Variants in CHCHD3 observed in about 807,000 individuals in gnomAD.
The protein encoded by CHCHD3 is coiled-coil-helix-coiled-coil-helix domain containing 3.
CHCHD3 carries 20 observed loss-of-function variants against 38.2 expected under a neutral mutation model. The observed-to-expected ratio is 0.52, with a 90% CI of 0.37 to 0.76. CHCHD3 has a LOEUF of 0.76. CHCHD3 is among the 30% of genes least tolerant of loss of function. The pLI is 0.00. For synonymous variants in CHCHD3, 82 were observed against 100.0 expected, an observed-to-expected ratio of 0.82 and a Z score of 1.07; for missense variants, 245 against 279.2, an observed-to-expected ratio of 0.88 and a Z score of 0.87.
chr7:132,791,004 G>A (rs1369592128), intron 7 of CHCHD3, among the ~76,000 whole-genome samples: 2 of 152,192 alleles, frequency 1.3e-5, no homozygotes, highest in Admixed American at 1.3e-4. Flanking sequence ...AGGTAGCTTT[G>A]ACCTATAGGG....
chr7:133,081,780 C>A (rs926992455), intron 1 of CHCHD3, 77 bp downstream of exon 1: 1 of 1,443,902 alleles, frequency 6.9e-7, no homozygotes, highest in Non-Finnish European at 9.5e-7. Context: ...GAAACCCAGG[C>A]TGAGCGGGTC....
At chr7:132,800,185 ATTTAGGCTGT>A (rs1254407979) in intron 6 of CHCHD3, among the ~76,000 whole-genome samples, 1 of 152,226 alleles carries the variant, frequency 6.6e-6, no homozygotes, top group South Asian at 2.1e-4. Flanking sequence ...AAAGATACAC[ATTTAGGCTGT>A]TTCTAATTTT....
intron 2 of CHCHD3, among the ~76,000 whole-genome samples, chr7:133,026,951 T>C (rs992929516): frequency 6.6e-6 from 1 of 151,996 alleles, no homozygotes; most frequent in South Asian, 2.1e-4. Flanking sequence ...CTTTTTTTTT[T>C]TTTTGAGACT....
At chr7:132,791,139 T>A (rs1364057943) in intron 7 of CHCHD3, among the ~76,000 whole-genome samples, 1 of 152,148 alleles carries the variant, frequency 6.6e-6, no homozygotes, top group Non-Finnish European at 1.5e-5. Context: ...AAACTTTGGG[T>A]ACAGAGTCTC....
Position 132,785,521 on chromosome 7 carries a change from TTTAGTGGTCTTCTCA to T in CHCHD3, c.*101_*115del, listed in dbSNP as rs1451648270. The T allele has an allele frequency of 2.1e-5, 21 of 993,116 alleles. No individual in the cohort carries two copies. Among genetic ancestry groups the T allele is most frequent in the Non-Finnish European group, 3.2e-5 (20 of 632,596 alleles). 61.5% of individuals were successfully genotyped at this position (993,116 alleles called of 1,614,324 possible). On this transcript the variant is annotated 3_prime_UTR_variant, in exon 8 of 8. Coordinates refer to ENST00000262570, the MANE Select transcript of CHCHD3 (RefSeq NM_017812.4). ...GCTGAATCCATTCTTGATGTCTCTC[TTTAGTGGTCTTCTCA>T]TTAGTGGTCTTCTCTTCAAATGGGT... is the stretch of plus-strand genomic sequence containing the variant.
intron 6 of CHCHD3, among the ~76,000 whole-genome samples, chr7:132,837,853 T>C (rs897908385): frequency 6.6e-6 from 1 of 152,192 alleles, no homozygotes; most frequent in Non-Finnish European, 1.5e-5. Context: ...CTTTGATCCA[T>C]CAATTACAGA....
intron 5 of CHCHD3, among the ~76,000 whole-genome samples, chr7:132,862,785 CA>C (rs1275311753): frequency 6.6e-6 from 1 of 152,184 alleles, no homozygotes; most frequent in Non-Finnish European, 1.5e-5. Flanking sequence ...GTCATTTCAG[CA>C]ATATTCACAT....
intron 3 of CHCHD3, among the ~76,000 whole-genome samples, chr7:132,993,119 T>C (rs1363371175): frequency 1.3e-5 from 2 of 152,208 alleles, no homozygotes; most frequent in African/African-American, 4.8e-5. Flanking sequence ...TTCATAAGGC[T>C]TTCTCTTTAT....
chr7:132,815,762 C>T (rs1470870921), intron 6 of CHCHD3: 3 of 307,144 alleles, frequency 9.8e-6, no homozygotes, highest in African/African-American at 6.7e-5. Flanking sequence ...CAACCAGATC[C>T]TTCCTATTTC....
chr7:133,035,756 G>A lies in CHCHD3; in HGVS notation c.170-11129C>T, dbSNP rs145990149. Reference sequence around the variant, plus strand: ...CACCCTCAAATGCTGGGACCTTGCCGGCAGGAAATTTGCGAAGAAATTCAG... The same window carrying A: ...CACCCTCAAATGCTGGGACCTTGCCAGCAGGAAATTTGCGAAGAAATTCAG... On this transcript the variant is annotated intron_variant, in intron 2 of 7. Transcript: ENST00000262570. The surrounding 1 kb of genome is among the most constrained non-coding windows in gnomAD (Gnocchi z 4.7). The A allele has an allele frequency of 5.1e-5, 82 of 1,613,270 alleles. 1 individual carries two copies. In the African/African-American group the frequency reaches 9.1e-4, roughly 18 times the overall value.
intron 5 of CHCHD3, among the ~76,000 whole-genome samples, chr7:132,839,556 G>A (rs771015466): frequency 6.6e-6 from 1 of 152,148 alleles, no homozygotes; most frequent in Non-Finnish European, 1.5e-5. Context: ...CCACAATACG[G>A]TAGTCTATTG....
chr7:133,077,486 A>T (rs958270594), intron 1 of CHCHD3, among the ~76,000 whole-genome samples: 1 of 152,246 alleles, frequency 6.6e-6, no homozygotes, highest in Non-Finnish European at 1.5e-5. Flanking sequence ...TTGCAACTTT[A>T]AAGCCCAGCT....
At chr7:132,892,674 G>A (rs1809392473) in intron 4 of CHCHD3, among the ~76,000 whole-genome samples, 1 of 152,270 alleles carries the variant, frequency 6.6e-6, no homozygotes, top group Non-Finnish European at 1.5e-5. Context: ...ACCAGACCCA[G>A]GGCACTGCTG....
intron 6 of CHCHD3, among the ~76,000 whole-genome samples, chr7:132,816,480 C>T (rs935825824): frequency 6.6e-6 from 1 of 152,140 alleles, no homozygotes; most frequent in Non-Finnish European, 1.5e-5. Flanking sequence ...GAGTACCTTC[C>T]CCATATATTA....
chr7:133,076,919 C>A (rs563406646), intron 1 of CHCHD3, among the ~76,000 whole-genome samples: 3 of 152,254 alleles, frequency 2.0e-5, no homozygotes, highest in African/African-American at 7.2e-5. Context: ...AACTCAGACC[C>A]ATTTTTTCTC....
intron 7 of CHCHD3, among the ~76,000 whole-genome samples, chr7:132,786,304 G>A (rs1806315628): frequency 6.6e-6 from 1 of 152,238 alleles, no homozygotes; most frequent in Non-Finnish European, 1.5e-5. Flanking sequence ...CAAAGGCTCT[G>A]AGAGGGAATC....
At chr7:132,826,857 T>G (rs1319530346) in intron 6 of CHCHD3, among the ~76,000 whole-genome samples, 1 of 152,186 alleles carries the variant, frequency 6.6e-6, no homozygotes, top group Non-Finnish European at 1.5e-5. Flanking sequence ...TTTTCAAACC[T>G]TATCCAAGCC....
intron 3 of CHCHD3, among the ~76,000 whole-genome samples, chr7:132,976,164 A>G (rs1286974116): frequency 3.3e-5 from 5 of 151,930 alleles, no homozygotes; most frequent in Non-Finnish European, 7.4e-5. Context: ...TATTACCCCT[A>G]TTTTCCAACA....
At chr7:132,898,523 C>A (rs1376802924) in intron 4 of CHCHD3, among the ~76,000 whole-genome samples, 1 of 152,258 alleles carries the variant, frequency 6.6e-6, no homozygotes, top group Non-Finnish European at 1.5e-5. Context: ...CCACCAGACT[C>A]AGGAGCCCAG....
Sources: allele counts gnomAD v4.1 joint callset (sites outside exome capture counted in the v4.1 genomes callset), GRCh38; gene constraint gnomAD v4.1.1; non-coding constraint Gnocchi (gnomAD v3.1); transcripts MANE v1.5; gene names NCBI Gene and HGNC (gene_info 2026-07-23, HGNC 2026-07-21).